The following GATD1 variants were observed in gnomAD, a reference collection of about 807,000 sequenced individuals.
GATD1 encodes glutamine amidotransferase-like class 1 domain-containing protein 1.
In GATD1, 23 loss-of-function variants were observed where a neutral mutation model predicts 25.9. That is an observed-to-expected ratio of 0.89 (90% confidence interval 0.64 to 1.26). The LOEUF (loss-of-function observed/expected upper bound fraction) is 1.26. Ranked by LOEUF, GATD1 falls within the 50% of genes most tolerant of loss-of-function variation. The pLI is 0.00. For synonymous variants in GATD1, 177 were observed against 134.6 expected (o/e 1.31, Z -2.18); for missense variants, 347 against 312.5 (o/e 1.11, Z -0.83).
chr11:772,594 G>C, intron 4 of GATD1, 73 bp from the exon 5 acceptor site: 1 of 1,397,772 alleles, frequency 7.2e-7, no homozygotes, highest in South Asian at 1.2e-5. Flanking sequence ...AGATGCCCCT[G>C]CTTGTGGCTC....
In GATD1 at chr11:767,485, T is replaced by C; in HGVS notation, c.*3412A>G. The C allele has an allele frequency of 6.3e-6, 9 of 1,437,752 alleles. No homozygotes were observed. Among genetic ancestry groups the C allele is most frequent in the Non-Finnish European group, 7.3e-6 (8 of 1,101,762 alleles). The allele number at this position is 1,437,752 out of a possible 1,614,324, so 89.1% of individuals were successfully genotyped here. A position where few individuals can be genotyped will look rare whatever the true frequency, so the allele number is the denominator to read the frequency against. ...GGCAGCTCACGCGGAGACAGGTCTG[T>C]GGGGCCCCGCGTCAGAACCCACTTC... On this transcript the variant is annotated 3_prime_UTR_variant, in exon 8 of 8. Transcript: ENST00000319863.
chr11:772,666 C>T lies in GATD1; in HGVS notation c.356-145G>A, dbSNP rs985607179. 18 of 701,070 alleles carry T rather than the reference C, an allele frequency of 2.6e-5. No homozygotes were observed. In the Admixed American group the frequency reaches 3.1e-4, roughly 12 times the overall value. The allele number at this position is 701,070 out of a possible 1,614,324, so 43.4% of individuals were successfully genotyped here. On this transcript the variant is annotated intron_variant, in intron 4 of 7. Coordinates refer to ENST00000319863, the MANE Select transcript of GATD1 (RefSeq NM_182612.4). ...AGGTTTCCCTGGAAACTGGACTCAGCACCCGGGTGTCCTGGCTCAGCCCGC... is the reference window on the plus strand; with the variant it reads ...AGGTTTCCCTGGAAACTGGACTCAGTACCCGGGTGTCCTGGCTCAGCCCGC...
Position 772,540 on chromosome 11 carries a change from G to C in GATD1, c.356-19C>G. The C allele has an allele frequency of 1.9e-6, 3 of 1,605,160 alleles. No individual in the cohort carries two copies. The highest frequency in any genetic ancestry group is 2.5e-6 in the Non-Finnish European group (3 of 1,178,054). On this transcript the variant is annotated intron_variant, in intron 4 of 7. Coordinates refer to ENST00000319863, the MANE Select transcript of GATD1 (RefSeq NM_182612.4). ...ATGGGTTCTGAAAGCCGTACATGGC[G>C]TTGAGGCCCTGGACCCCGCCACCCG...
In GATD1 at chr11:769,225, G is replaced by A. The variant is rs1400662045; in HGVS notation, c.*1672C>T. ...TAAGTGGGCATCCTGACTAATCTGC[G>A]AGGCACTGGAGGGACGCAGCCTTCA... On this transcript the variant is annotated 3_prime_UTR_variant, in exon 8 of 8. Transcript: ENST00000319863. The A allele has an allele frequency of 1.7e-5, 17 of 985,370 alleles. No homozygotes were observed. In the East Asian group the frequency reaches 6.8e-4, roughly 39 times the overall value. The allele number at this position is 985,370 out of a possible 1,614,324, so 61.0% of individuals were successfully genotyped here. A position where few individuals can be genotyped will look rare whatever the true frequency, so the allele number is the denominator to read the frequency against.
Position 767,324 on chromosome 11 carries a change from C to T in GATD1, c.*3573G>A. ...CTCCGCTGCTCTTCTGGAGGTCTGT[C>T]CTCTTGCTTTCCTCCTCTGCCCCAG... On this transcript the variant is annotated 3_prime_UTR_variant, in exon 8 of 8. Coordinates refer to ENST00000319863, the MANE Select transcript of GATD1 (RefSeq NM_182612.4). The T allele has an allele frequency of 6.5e-7, 1 of 1,536,270 alleles. No individual in the cohort carries two copies. Among genetic ancestry groups the T allele is most frequent in the East Asian group, 2.4e-5 (1 of 40,924 alleles).
At chr11:774,994 C>A in intron 2 of GATD1, 72 bp downstream of exon 2, 1 of 1,416,512 alleles carries the variant, frequency 7.1e-7, no homozygotes, top group South Asian at 1.2e-5. Context: ...CGGCGGCAGT[C>A]TCCTGACCTT....
intron 1 of GATD1, 117 bp downstream of exon 1, chr11:777,282 C>A: frequency 1.2e-6 from 1 of 806,044 alleles, no homozygotes; most frequent in Non-Finnish European, 1.6e-6. Flanking sequence ...CCGGCGCCCC[C>A]AGCGGCCTCG....
intron 5 of GATD1, 73 bp downstream of exon 5, chr11:772,354 C>T (rs952234430): frequency 3.9e-5 from 36 of 933,370 alleles, no homozygotes; most frequent in Middle Eastern, 2.1e-4. Flanking sequence ...CTGGAGCCTC[C>T]GACCTCACCT....
In GATD1 at chr11:774,060, T is replaced by C; in HGVS notation, c.195A>G (p.Gln65=). Residue 65 remains glutamine, a synonymous_variant, in exon 3 of 8, where the codon CAA becomes CAG. Coordinates refer to ENST00000319863, the MANE Select transcript of GATD1 (RefSeq NM_182612.4). ...TGGCGTAAGCCTTGAGGCGGAAGTC[T>C]TGCACCCAGCGTGCATTGCTCTCAG... ...DVTESNARWV[Q]DFRLKAYASP... 6.2e-7 allele frequency: 1 copy of C among 1,613,732 alleles called. No homozygotes were observed. The highest frequency in any genetic ancestry group is 1.7e-5 in the Admixed American group (1 of 60,028).
chr11:770,140 C>T lies in GATD1; in HGVS notation c.*757G>A. On this transcript the variant is annotated 3_prime_UTR_variant, in exon 8 of 8. Transcript: ENST00000319863. ...CCCGCTGGAGGGCCACAGCCCAGGC[C>T]AGGTGCCCAGCAGGCTGGACCACTG... The T allele has an allele frequency of 8.0e-7, 1 of 1,248,158 alleles. No homozygotes were observed. Among genetic ancestry groups the T allele is most frequent in the Non-Finnish European group, 1.0e-6 (1 of 995,436 alleles). The allele number at this position is 1,248,158 out of a possible 1,614,324, so 77.3% of individuals were successfully genotyped here. A position where few individuals can be genotyped will look rare whatever the true frequency, so the allele number is the denominator to read the frequency against.
chr11:776,855 T>A (rs533191296), intron 1 of GATD1: 1 of 152,216 alleles, frequency 6.6e-6, no homozygotes, highest in Non-Finnish European at 1.5e-5. Context: ...CCCAGGCCAG[T>A]ACTGCCCTGG....
chr11:776,116 G>A (rs1416393541), intron 1 of GATD1, among the ~76,000 whole-genome samples: 1 of 150,396 alleles, frequency 6.6e-6, no homozygotes, highest in Non-Finnish European at 1.5e-5. Context: ...CCGAGTAGCT[G>A]GGACTACAGG....
intron 5 of GATD1, among the ~76,000 whole-genome samples, chr11:771,859 A>AG (rs1017204613): frequency 1.3e-5 from 2 of 152,098 alleles, no homozygotes; most frequent in African/African-American, 4.8e-5. Context: ...CCACTGAGGA[A>AG]GGGTCCCCTC....
intron 4 of GATD1, chr11:773,287 A>C: frequency 4.3e-6 from 2 of 463,892 alleles, no homozygotes; most frequent in Admixed American, 4.2e-5. Context: ...ATGGCCACCC[A>C]CCCTCGGGAG....
At chr11:776,780 T>A (rs527866241) in intron 1 of GATD1, 1 of 152,930 alleles carries the variant, frequency 6.5e-6, no homozygotes, top group Non-Finnish European at 1.5e-5. Context: ...CCTCCCCTGC[T>A]GCCCTGAGAC....
At chr11:771,729 G>C (rs1343789676) in intron 5 of GATD1, among the ~76,000 whole-genome samples, 1 of 152,062 alleles carries the variant, frequency 6.6e-6, no homozygotes, top group Admixed American at 6.5e-5. Flanking sequence ...CCCTTGGGCA[G>C]AGTGCTGGGG....
At chr11:773,658 G>A in intron 3 of GATD1, 29 bp from the exon 4 acceptor site, 2 of 1,537,046 alleles carry the variant, frequency 1.3e-6, no homozygotes, top group Non-Finnish European at 1.8e-6. Context: ...CCAGGTAGCA[G>A]CCACATGTCA....
At chr11:773,172 GC>G (rs1447463770) in intron 4 of GATD1, among the ~76,000 whole-genome samples, 4 of 152,210 alleles carry the variant, frequency 2.6e-5, no homozygotes, top group African/African-American at 9.6e-5. Context: ...TCCTCAAACA[GC>G]CTTCCTCCCT....
Position 771,395 on chromosome 11 carries a change from C to A in GATD1, c.482G>T (p.Gly161Val). 1 of 1,567,516 alleles carries A rather than the reference C, an allele frequency of 6.4e-7. No individual in the cohort carries two copies. Among genetic ancestry groups the A allele is most frequent in the Non-Finnish European group, 8.6e-7 (1 of 1,158,514 alleles). The change falls in exon 6 of 8, where the codon GGC (glycine) becomes GTC (valine). Residue 161 changes from glycine to valine, a missense_variant. Transcript: ENST00000319863. ...PSVCELVRAP[G>V]FARLPLVVED... Reference sequence around the variant, plus strand: ...CACCACGAGCGGCAGGCGGGCGAAGCCGGGGGCCCTGACGAGCTCACACAC... The same window carrying A: ...CACCACGAGCGGCAGGCGGGCGAAGACGGGGGCCCTGACGAGCTCACACAC...
Sources: gnomAD v4.1 joint callset for allele counts (sites outside exome capture counted in the v4.1 genomes callset) on GRCh38, gnomAD v4.1.1 for gene constraint, MANE v1.5 for transcripts, NCBI Gene and HGNC (gene_info 2026-07-23, HGNC 2026-07-21) for gene names.